The following TMEM117 variants were observed in gnomAD, a reference collection of about 807,000 sequenced individuals.
TMEM117 encodes transmembrane protein 117.
In TMEM117, 27 loss-of-function variants were observed where a neutral mutation model predicts 52.4. The observed-to-expected ratio is 0.51, with a 90% confidence interval of 0.38 to 0.71. The LOEUF (loss-of-function observed/expected upper bound fraction) is 0.71, where lower values mean the gene tolerates loss of function less well. TMEM117 is among the 30% of genes least tolerant of loss of function. The probability of loss-of-function intolerance (pLI) is 0.00; values close to 1 mark genes in which losing one functional copy is unlikely to be tolerated. For synonymous variants in TMEM117, 215 were observed against 206.3 expected (o/e 1.04, Z -0.36); for missense variants, 556 against 630.5 (o/e 0.88, Z 1.26).
chr12:44,210,385 GAAACCAT>G (rs1949630005), intron 4 of TMEM117, among the ~76,000 whole-genome samples: 2 of 152,060 alleles, frequency 1.3e-5, no homozygotes, highest in Non-Finnish European at 2.9e-5. Flanking sequence ...GGCTTCTGCT[GAAACCAT>G]TAATATGTGA....
At chr12:43,955,011 T>G (rs937911846) in intron 3 of TMEM117, among the ~76,000 whole-genome samples, 1 of 152,112 alleles carries the variant, frequency 6.6e-6, no homozygotes, top group Admixed American at 6.5e-5. Context: ...ATTCACCACA[T>G]AAGCAGAACT....
chr12:44,167,916 T>C (rs11182430), intron 4 of TMEM117, among the ~76,000 whole-genome samples: 41,170 of 151,912 alleles, frequency 0.27, 10,098 homozygotes, highest in African/African-American at 0.66. Context: ...TCCATATAGT[T>C]CTGTTACTTC....
the TMEM117 span, among the ~76,000 whole-genome samples, chr12:43,818,916 T>G: frequency 6.6e-6 from 1 of 152,240 alleles, no homozygotes; most frequent in African/African-American, 2.4e-5. Flanking sequence ...TCTTTTTCCT[T>G]CCTTGTCATT....
intron 3 of TMEM117, among the ~76,000 whole-genome samples, chr12:44,101,514 G>C (rs1947860633): frequency 6.6e-6 from 1 of 151,766 alleles, no homozygotes; most frequent in Non-Finnish European, 1.5e-5. Context: ...TTTACTTCCG[G>C]AGACTCCCAA....
chr12:43,816,178 C>T, the TMEM117 span, among the ~76,000 whole-genome samples: 130 of 152,208 alleles, frequency 8.5e-4, no homozygotes, highest in African/African-American at 2.9e-3. Context: ...GGGAAAGGGA[C>T]GAGGTAGACA....
intron 4 of TMEM117, among the ~76,000 whole-genome samples, chr12:44,174,577 C>A (rs1949092778): frequency 6.6e-6 from 1 of 152,004 alleles, no homozygotes; most frequent in Non-Finnish European, 1.5e-5. Flanking sequence ...ACTTTGAGTA[C>A]CTTTAATAAA....
chr12:43,935,543 A>G (rs1301700360), intron 2 of TMEM117, among the ~76,000 whole-genome samples: 2 of 152,236 alleles, frequency 1.3e-5, no homozygotes, highest in Non-Finnish European at 2.9e-5. Flanking sequence ...ATTGAGAGAT[A>G]AAATATAAGG....
the TMEM117 span, chr12:43,797,012 A>G: frequency 5.6e-6 from 9 of 1,611,462 alleles, no homozygotes; most frequent in East Asian, 1.8e-4. Context: ...GTCTTTCTAC[A>G]ATTTCTAGCA....
At chr12:43,841,013 G>T (rs931015735) in intron 1 of TMEM117, among the ~76,000 whole-genome samples, 1 of 152,202 alleles carries the variant, frequency 6.6e-6, no homozygotes, top group Admixed American at 6.5e-5. Context: ...GAGAGGACTA[G>T]GCAAACATTT....
At chr12:44,293,205 G>C (rs545797278) in intron 5 of TMEM117, among the ~76,000 whole-genome samples, 1 of 152,000 alleles carries the variant, frequency 6.6e-6, no homozygotes, top group African/African-American at 2.4e-5. Context: ...GATTTTGACT[G>C]AAAGTCCATT....
chr12:44,210,655 C>A (rs934709515), intron 4 of TMEM117, among the ~76,000 whole-genome samples: 1 of 151,950 alleles, frequency 6.6e-6, no homozygotes, highest in Non-Finnish European at 1.5e-5. Context: ...GGGTCAAGAA[C>A]CACAAGTTTT....
chr12:43,806,505 G>C, the TMEM117 span: 2 of 599,668 alleles, frequency 3.3e-6, no homozygotes, highest in Admixed American at 1.1e-4. Context: ...TCTTGCCGCC[G>C]CCTCTCCCGC....
At chr12:44,095,869 C>A (rs996233819) in intron 3 of TMEM117, among the ~76,000 whole-genome samples, 2 of 151,934 alleles carry the variant, frequency 1.3e-5, no homozygotes, top group East Asian at 1.9e-4. Context: ...CTGGCCAGGG[C>A]AATTAGGCAG....
At chr12:44,164,125 C>G (rs74683361) in intron 4 of TMEM117, among the ~76,000 whole-genome samples, 2,653 of 151,956 alleles carry the variant, frequency 0.017, 61 homozygotes, top group East Asian at 0.057. Flanking sequence ...AAGAGAAACC[C>G]GAGAGACAGC....
intron 6 of TMEM117, among the ~76,000 whole-genome samples, chr12:44,322,454 T>C (rs984260358): frequency 6.6e-6 from 1 of 152,116 alleles, no homozygotes; most frequent in Admixed American, 6.6e-5. Flanking sequence ...GTTTCCTGAT[T>C]CCCTTATCTA....
chr12:43,846,353 C>A (rs567760691), intron 2 of TMEM117, among the ~76,000 whole-genome samples: 22 of 151,064 alleles, frequency 1.5e-4, no homozygotes, highest in Non-Finnish European at 2.4e-4. Flanking sequence ...TTGTCTCTCT[C>A]TATAATATCT....
chr12:44,131,938 G>A (rs1196646874), intron 3 of TMEM117, among the ~76,000 whole-genome samples: 1 of 151,760 alleles, frequency 6.6e-6, no homozygotes, highest in Non-Finnish European at 1.5e-5. Flanking sequence ...TGTCTGTTTT[G>A]TTCCTTGTTT....
chr12:44,125,399 G>T (rs1022182419), intron 3 of TMEM117, among the ~76,000 whole-genome samples: 9 of 152,142 alleles, frequency 5.9e-5, no homozygotes, highest in African/African-American at 2.2e-4. Flanking sequence ...GAGCCACTGC[G>T]CCCGGCCTGG....
chr12:43,844,808 T>C lies in TMEM117; in HGVS notation c.157T>C (p.Phe53Leu). 1 of 1,614,186 alleles carries C rather than the reference T, an allele frequency of 6.2e-7. No individual in the cohort carries two copies. The highest frequency in any genetic ancestry group is 8.5e-7 in the Non-Finnish European group (1 of 1,180,032). Residue 53 changes from phenylalanine to leucine, a missense_variant, in exon 2 of 8, where the codon TTT becomes CTT. Physicochemically the swap from Phe to Leu is conservative, Grantham distance 22. This residue lies in a region of TMEM117 where 328 missense variants were observed against 371.4 expected (regional missense o/e 0.88). Transcript: ENST00000266534. ...NVIVVGNCFSFVTNKYPRGVG... is the reference protein window; with the variant it reads ...NVIVVGNCFSLVTNKYPRGVG... Reference sequence around the variant, plus strand: ...TATTGTTGTTGGAAACTGTTTTTCATTTGTTACAAATAAATACCCTAGAGG... The same window carrying C: ...TATTGTTGTTGGAAACTGTTTTTCACTTGTTACAAATAAATACCCTAGAGG...
Sources: allele counts gnomAD v4.1 joint callset (sites outside exome capture counted in the v4.1 genomes callset), GRCh38; gene constraint gnomAD v4.1.1; regional missense constraint gnomAD v4.1.1; transcripts MANE v1.5; gene names NCBI Gene and HGNC (gene_info 2026-07-23, HGNC 2026-07-21).